HCN1: variants seen among roughly 807,000 people sequenced by gnomAD.
HCN1 encodes potassium/sodium hyperpolarization-activated cyclic nucleotide-gated channel 1.
In HCN1, 13 loss-of-function variants were observed where a neutral mutation model predicts 78.9. That is an observed-to-expected ratio of 0.16 (90% CI 0.11 to 0.26). The LOEUF (loss-of-function observed/expected upper bound fraction) is 0.26, where lower values mean the gene tolerates loss of function less well. Among genes scored for constraint, HCN1 ranks in the 10% least tolerant of loss-of-function variants. The probability of loss-of-function intolerance (pLI) is 1.00; values close to 1 mark genes in which losing one functional copy is unlikely to be tolerated. For synonymous variants in HCN1, 552 were observed against 455.5 expected (o/e 1.21, Z -2.70); for missense variants, 810 against 1,154.3 (o/e 0.70, Z 4.32).
intron 6 of HCN1, among the ~76,000 whole-genome samples, chr5:45,268,464 A>T (rs115400518): frequency 6.6e-6 from 1 of 152,236 alleles, no homozygotes; most frequent in African/African-American, 2.4e-5. Context: ...AAATAAATAT[A>T]ATATTAAATG....
Position 45,539,652 on chromosome 5 carries a change from G to A in HCN1, c.850-77645C>T, listed in dbSNP as rs570907929. On this transcript the variant is annotated intron_variant, in intron 2 of 7. Transcript: ENST00000303230. ...TGCACTCCAGCCTGGGTGACAGAGC[G>A]AGACTCTGTCTCAAAAGAAAAGAAA... Among the ~76,000 whole-genome samples, 184 of 149,320 alleles carry A rather than the reference G, an allele frequency of 1.2e-3. 1 individual carries two copies. The highest frequency in any genetic ancestry group is 4.3e-3 in the African/African-American group (178 of 41,122).
intron 5 of HCN1, among the ~76,000 whole-genome samples, chr5:45,311,986 G>T (rs2111917904): frequency 6.6e-6 from 1 of 152,276 alleles, no homozygotes; most frequent in Admixed American, 6.5e-5. Context: ...AAAAATCTTT[G>T]TTGTCAAGAA....
chr5:45,371,098 A>C (rs1747345897), intron 4 of HCN1, among the ~76,000 whole-genome samples: 1 of 152,054 alleles, frequency 6.6e-6, no homozygotes, highest in African/African-American at 2.4e-5. Context: ...AAGATACAAC[A>C]TACCAGAATC....
chr5:45,398,509 C>T (rs959544706), intron 3 of HCN1, among the ~76,000 whole-genome samples: 1 of 151,978 alleles, frequency 6.6e-6, no homozygotes, highest in Non-Finnish European at 1.5e-5. Flanking sequence ...TATTTATTAC[C>T]ACAGTCAAGA....
intron 6 of HCN1, among the ~76,000 whole-genome samples, chr5:45,283,049 A>C (rs1414331668): frequency 4.6e-5 from 7 of 152,292 alleles, no homozygotes; most frequent in Admixed American, 4.6e-4. Flanking sequence ...GAAAGTTCCT[A>C]CTTTCCCCAA....
intron 3 of HCN1, among the ~76,000 whole-genome samples, chr5:45,444,543 G>A (rs938558105): frequency 6.6e-6 from 1 of 151,992 alleles, no homozygotes; most frequent in Admixed American, 6.5e-5. Flanking sequence ...TACATCTTTG[G>A]CTGAGCCTTG....
chr5:45,641,836 C>CCCT (rs1745460488), intron 2 of HCN1: 1 of 152,112 alleles, frequency 6.6e-6, no homozygotes, highest in Non-Finnish European at 1.5e-5. Flanking sequence ...ATTCACTAAG[C>CCCT]CCTTAATCTA....
chr5:45,456,217 A>C (rs187185098), intron 3 of HCN1, among the ~76,000 whole-genome samples: 1 of 152,176 alleles, frequency 6.6e-6, no homozygotes, highest in East Asian at 1.9e-4. Context: ...AGTAATTTAG[A>C]GTATGGTCAA....
chr5:45,483,943 T>A (rs888672313), intron 2 of HCN1, among the ~76,000 whole-genome samples: 1 of 152,180 alleles, frequency 6.6e-6, no homozygotes, highest in Non-Finnish European at 1.5e-5. Flanking sequence ...TGCAACTTTA[T>A]TTCCAAGTTT....
intron 4 of HCN1, among the ~76,000 whole-genome samples, chr5:45,354,012 A>G (rs2111984068): frequency 6.6e-6 from 1 of 151,954 alleles, no homozygotes; most frequent in South Asian, 2.1e-4. Context: ...CTGCCTATTT[A>G]TATTTATACA....
intron 2 of HCN1, among the ~76,000 whole-genome samples, chr5:45,495,752 C>G (rs1212420573): frequency 6.6e-6 from 1 of 152,058 alleles, no homozygotes; most frequent in Non-Finnish European, 1.5e-5. Context: ...ATAGATAGCT[C>G]TTATTATTTT....
chr5:45,425,902 G>T (rs1171381830), intron 3 of HCN1, among the ~76,000 whole-genome samples: 1 of 152,108 alleles, frequency 6.6e-6, no homozygotes, highest in Non-Finnish European at 1.5e-5. Context: ...AGATGCTTGG[G>T]AATGACAAAA....
chr5:45,534,353 G>GCCATTGCAT (rs547396695), intron 2 of HCN1, among the ~76,000 whole-genome samples: 94 of 122,000 alleles, frequency 7.7e-4, no homozygotes, highest in Middle Eastern at 6.9e-3. Context: ...CCAAGATCCC[G>GCCATTGCAT]CCATTGCATT....
chr5:45,564,383 C>T (rs922141939), intron 2 of HCN1, among the ~76,000 whole-genome samples: 4 of 151,980 alleles, frequency 2.6e-5, no homozygotes, highest in Non-Finnish European at 4.4e-5. Context: ...GCCTCAGCCT[C>T]CCGAGTAGCT....
intron 2 of HCN1, among the ~76,000 whole-genome samples, chr5:45,580,706 A>C (rs1744047696): frequency 6.6e-6 from 1 of 151,980 alleles, no homozygotes; most frequent in African/African-American, 2.4e-5. Context: ...ACCCCACAAC[A>C]GGCCCTGGTG....
chr5:45,417,993 C>T (rs1158335869), intron 3 of HCN1, among the ~76,000 whole-genome samples: 1 of 151,732 alleles, frequency 6.6e-6, no homozygotes, highest in East Asian at 1.9e-4. Context: ...TGAAGTTGGG[C>T]ATGGAATGTC....
intron 6 of HCN1, among the ~76,000 whole-genome samples, chr5:45,279,458 T>C (rs886412218): frequency 6.6e-6 from 1 of 152,122 alleles, no homozygotes; most frequent in African/African-American, 2.4e-5. Flanking sequence ...GGATGAGAAA[T>C]GACTTTCCAA....
At chr5:45,290,367 G>A (rs1318639553) in intron 6 of HCN1, among the ~76,000 whole-genome samples, 2 of 151,874 alleles carry the variant, frequency 1.3e-5, no homozygotes, top group Non-Finnish European at 2.9e-5. Context: ...CCTTCCAGAG[G>A]CCCCACCTCC....
chr5:45,351,511 A>C lies in HCN1; in HGVS notation c.1377+1589T>G, dbSNP rs373473017. On this transcript the variant is annotated intron_variant, in intron 5 of 7. Transcript: ENST00000303230. ...ACACCAAAAGCAATGGCAACAAAAG[A>C]CAAAATTGACAAATGGGATCTAATT... Among the ~76,000 whole-genome samples, 29 of 97,212 alleles carry C rather than the reference A, an allele frequency of 3.0e-4. 1 individual carries two copies. The highest frequency in any genetic ancestry group is 7.0e-4 in the South Asian group (2 of 2,858). 63.8% of individuals were successfully genotyped at this position (97,212 alleles called of 152,430 possible).
Sources: allele counts gnomAD v4.1 joint callset (sites outside exome capture counted in the v4.1 genomes callset), GRCh38; gene constraint gnomAD v4.1.1; transcripts MANE v1.5; gene names NCBI Gene and HGNC (gene_info 2026-07-23, HGNC 2026-07-21).